The following TMEM117 variants were observed in gnomAD, a reference collection of about 807,000 sequenced individuals.
TMEM117 encodes transmembrane protein 117.
A neutral mutation model predicts 52.4 loss-of-function variants in TMEM117; 27 were observed. That is an observed-to-expected ratio of 0.51 (90% CI 0.38 to 0.71). TMEM117 has a LOEUF of 0.71. Among genes scored for constraint, TMEM117 ranks in the 30% least tolerant of loss-of-function variants. TMEM117 has a pLI of 0.00. For synonymous variants in TMEM117, 215 were observed against 206.3 expected (o/e 1.04, Z -0.36); for missense variants, 556 against 630.5 (o/e 0.88, Z 1.26).
chr12:44,114,197 C>G (rs1030602138), intron 3 of TMEM117, among the ~76,000 whole-genome samples: 1 of 151,922 alleles, frequency 6.6e-6, no homozygotes, highest in African/African-American at 2.4e-5. Flanking sequence ...AGCTGTAGAC[C>G]GGAGCTGTTC....
chr12:43,818,603 G>C, the TMEM117 span, among the ~76,000 whole-genome samples: 3 of 152,056 alleles, frequency 2.0e-5, no homozygotes, highest in Non-Finnish European at 4.4e-5. Context: ...ATTATGCCCA[G>C]CTAATTTTTG....
At chr12:44,391,966 G>A (rs1043553305), downstream of TMEM117, among the ~76,000 whole-genome samples, 10 of 152,160 alleles carry the variant, frequency 6.6e-5, no homozygotes, top group African/African-American at 1.7e-4. Flanking sequence ...TAGCCAGCCC[G>A]TACCCTTGAG....
chr12:44,277,635 C>T (rs535103859), intron 5 of TMEM117, among the ~76,000 whole-genome samples: 21 of 152,056 alleles, frequency 1.4e-4, no homozygotes, highest in African/African-American at 4.6e-4. Context: ...TTGTCTGTCT[C>T]GTAGGGCTGC....
intron 3 of TMEM117, among the ~76,000 whole-genome samples, chr12:44,070,728 T>C (rs1947288807): frequency 6.6e-6 from 1 of 152,208 alleles, no homozygotes; most frequent in African/African-American, 2.4e-5. Context: ...TCTCATTTAT[T>C]ATATCCTGGG....
chr12:44,221,439 A>G lies in TMEM117; in HGVS notation c.608+10052A>G, dbSNP rs192082975. 7.0e-4 allele frequency among the ~76,000 whole-genome samples: 107 copies of G among 152,276 alleles called. 2 individuals carry two copies. Among genetic ancestry groups the G allele is most frequent in the African/African-American group, 2.4e-3 (100 of 41,564 alleles). ...TAGCATAAGCTTCTAACTATGGACT[A>G]TTTCTTTACTGATATCATTCAGTAT... On this transcript the variant is annotated intron_variant, in intron 5 of 7. Transcript: ENST00000266534.
chr12:44,179,187 C>G (rs1431041976), intron 4 of TMEM117, among the ~76,000 whole-genome samples: 2 of 151,964 alleles, frequency 1.3e-5, no homozygotes, highest in African/African-American at 4.8e-5. Flanking sequence ...GAGCAAGACT[C>G]TATCTCAAAA....
chr12:44,321,138 T>G (rs1951124234), intron 6 of TMEM117, among the ~76,000 whole-genome samples: 1 of 152,256 alleles, frequency 6.6e-6, no homozygotes, highest in South Asian at 2.1e-4. Context: ...TTTACAGGGA[T>G]TATTTAAAGC....
chr12:43,834,804 G>A (rs1327038732), upstream of TMEM117, among the ~76,000 whole-genome samples: 6 of 152,112 alleles, frequency 3.9e-5, no homozygotes, highest in Admixed American at 1.3e-4. Flanking sequence ...CCATATATAC[G>A]TGGTCATTTT....
chr12:43,858,403 T>C (rs1027938559), intron 2 of TMEM117, among the ~76,000 whole-genome samples: 1 of 152,214 alleles, frequency 6.6e-6, no homozygotes, highest in African/African-American at 2.4e-5. Flanking sequence ...GGCATCTTTT[T>C]CTGGCACCAC....
At chr12:44,171,365 C>A (rs975738809) in intron 4 of TMEM117, among the ~76,000 whole-genome samples, 1 of 152,148 alleles carries the variant, frequency 6.6e-6, no homozygotes, top group Non-Finnish European at 1.5e-5. Context: ...ACACAAATAT[C>A]CTATTTCTCC....
At chr12:44,155,110 A>G (rs182570474) in intron 4 of TMEM117, among the ~76,000 whole-genome samples, 27 of 152,192 alleles carry the variant, frequency 1.8e-4, no homozygotes, top group African/African-American at 4.8e-4. Flanking sequence ...AAACATTTTG[A>G]GATAAAAAAA....
intron 5 of TMEM117, among the ~76,000 whole-genome samples, chr12:44,233,155 A>G (rs1949953727): frequency 6.6e-6 from 1 of 151,294 alleles, no homozygotes; most frequent in Admixed American, 6.6e-5. Context: ...CACCCAAACA[A>G]CACTTGAAAT....
chr12:43,900,969 A>G (rs1371516327), intron 2 of TMEM117, among the ~76,000 whole-genome samples: 1 of 152,224 alleles, frequency 6.6e-6, no homozygotes, highest in Non-Finnish European at 1.5e-5. Flanking sequence ...TTCATTAAGT[A>G]TTATAGCCCA....
intron 6 of TMEM117, among the ~76,000 whole-genome samples, chr12:44,309,774 A>G (rs1334183108): frequency 7.2e-6 from 1 of 138,972 alleles, no homozygotes; most frequent in East Asian, 1.9e-4. Flanking sequence ...CAGAATGAGA[A>G]TTAAAAAAAA....
intron 3 of TMEM117, among the ~76,000 whole-genome samples, chr12:44,023,969 A>T (rs1201295174): frequency 6.6e-6 from 1 of 152,166 alleles, no homozygotes; most frequent in African/African-American, 2.4e-5. Flanking sequence ...ATAAAAAAAA[A>T]ATCCAGTAGG....
chr12:44,027,160 T>TTTTA (rs1555194983), intron 3 of TMEM117, among the ~76,000 whole-genome samples: 6 of 129,176 alleles, frequency 4.6e-5, no homozygotes, highest in African/African-American at 2.0e-4. Context: ...TTTTATTTTA[T>TTTTA]TTTATTTTAT....
chr12:44,326,801 C>T (rs920303512), intron 6 of TMEM117, among the ~76,000 whole-genome samples: 12 of 152,194 alleles, frequency 7.9e-5, no homozygotes, highest in Admixed American at 4.6e-4. Context: ...CCAAATGTGT[C>T]GCCCAAATGA....
At chr12:44,377,448 T>C (rs1951957982) in intron 7 of TMEM117, among the ~76,000 whole-genome samples, 1 of 152,194 alleles carries the variant, frequency 6.6e-6, no homozygotes, top group Admixed American at 6.5e-5. Flanking sequence ...TTGTCTTAAG[T>C]GATTCTCTTG....
chr12:43,897,780 T>G (rs984906812), intron 2 of TMEM117, among the ~76,000 whole-genome samples: 1 of 41,058 alleles, frequency 2.4e-5, no homozygotes, highest in African/African-American at 3.8e-5. Context: ...CTAATTTTTG[T>G]ATTTTTTTTT....
Sources: allele counts gnomAD v4.1 joint callset (sites outside exome capture counted in the v4.1 genomes callset), GRCh38; gene constraint gnomAD v4.1.1; transcripts MANE v1.5; gene names NCBI Gene and HGNC (gene_info 2026-07-23, HGNC 2026-07-21).